Variants in TEX9 observed in about 807,000 individuals in gnomAD.
The protein encoded by TEX9 is testis-expressed protein 9.
A neutral mutation model predicts 59.6 loss-of-function variants in TEX9; 74 were observed. That is an observed-to-expected ratio of 1.24 (90% CI 1.03 to 1.51). The LOEUF (loss-of-function observed/expected upper bound fraction) is 1.51, where lower values mean the gene tolerates loss of function less well. Ranked by LOEUF, TEX9 falls within the 40% of genes most tolerant of loss-of-function variation. TEX9 has a pLI of 0.00. For missense variants in TEX9, 522 were observed against 447.8 expected (o/e 1.17, Z -1.49); for synonymous variants, 186 against 152.2 (o/e 1.22, Z -1.64).
At chr15:56,372,299 A>G (rs2047224635) in intron 2 of TEX9, among the ~76,000 whole-genome samples, 1 of 152,154 alleles carries the variant, frequency 6.6e-6, no homozygotes, top group African/African-American at 2.4e-5. Flanking sequence ...CTGTTAAAGG[A>G]TATGGTACTA....
At chr15:56,458,736 T>G in the TEX9 span, among the ~76,000 whole-genome samples, 1 of 152,206 alleles carries the variant, frequency 6.6e-6, no homozygotes, top group Non-Finnish European at 1.5e-5. Flanking sequence ...CTTCTTTCAC[T>G]TAGTAATATG....
chr15:56,312,508 C>T (rs2141634837), intron 1 of TEX9, among the ~76,000 whole-genome samples: 1 of 149,382 alleles, frequency 6.7e-6, no homozygotes, highest in South Asian at 2.1e-4. Flanking sequence ...ATCTATATCT[C>T]TGTTTTGGTA....
chr15:56,365,161 G>C (rs1225263056), upstream of TEX9, among the ~76,000 whole-genome samples: 2 of 152,236 alleles, frequency 1.3e-5, no homozygotes, highest in Non-Finnish European at 2.9e-5. Flanking sequence ...GCTTTCTATA[G>C]AGTAGCGGCA....
chr15:56,370,212 T>C (rs1369246291), intron 2 of TEX9, among the ~76,000 whole-genome samples: 2 of 152,180 alleles, frequency 1.3e-5, no homozygotes, highest in Non-Finnish European at 2.9e-5. Flanking sequence ...TCTTTATTTT[T>C]AGTGATGTGG....
At chr15:56,441,468 C>T (rs2140351536) in intron 12 of TEX9, among the ~76,000 whole-genome samples, 1 of 152,074 alleles carries the variant, frequency 6.6e-6, no homozygotes. Flanking sequence ...GAGAACTGTG[C>T]ATTGAAATAC....
At chr15:56,386,520 T>C (rs1385945099) in intron 4 of TEX9, among the ~76,000 whole-genome samples, 4 of 152,010 alleles carry the variant, frequency 2.6e-5, no homozygotes, top group Non-Finnish European at 5.9e-5. Context: ...AGACCTGATC[T>C]TGCTTCCAAG....
At chr15:56,263,154 G>A (rs1387176241) in intron 1 of TEX9, among the ~76,000 whole-genome samples, 1 of 152,118 alleles carries the variant, frequency 6.6e-6, no homozygotes, top group Non-Finnish European at 1.5e-5. Flanking sequence ...CTCCCGAGTA[G>A]CTGGGATTAC....
At chr15:56,322,972 TCA>T (rs1210920785) in intron 1 of TEX9, among the ~76,000 whole-genome samples, 2 of 151,934 alleles carry the variant, frequency 1.3e-5, no homozygotes, top group African/African-American at 4.8e-5. Flanking sequence ...GAAAAGAATA[TCA>T]CAGAGTACTT....
intron 12 of TEX9, among the ~76,000 whole-genome samples, chr15:56,436,687 C>A (rs533505004): frequency 6.6e-6 from 1 of 151,840 alleles, no homozygotes; most frequent in Non-Finnish European, 1.5e-5. Context: ...CTGAGAAGAT[C>A]AACAAAATTG....
At chr15:56,366,770 GTATGATCTACA>G (rs1349911578) in intron 2 of TEX9, among the ~76,000 whole-genome samples, 2 of 152,098 alleles carry the variant, frequency 1.3e-5, no homozygotes, top group South Asian at 2.1e-4. Flanking sequence ...TAGAGTTATC[GTATGATCTACA>G]TATGATCTAT....
intron 12 of TEX9, among the ~76,000 whole-genome samples, chr15:56,437,705 A>C (rs1695685893): frequency 6.6e-6 from 1 of 152,214 alleles, no homozygotes; most frequent in Non-Finnish European, 1.5e-5. Context: ...ATGATTGTAT[A>C]TTTAGAAAAC....
chr15:56,270,205 A>C (rs1037491193), intron 1 of TEX9, among the ~76,000 whole-genome samples: 1 of 152,068 alleles, frequency 6.6e-6, no homozygotes, highest in Non-Finnish European at 1.5e-5. Flanking sequence ...TATCCTTGTT[A>C]ACCTTCTGTC....
chr15:56,295,978 C>T (rs2045208390), intron 1 of TEX9, among the ~76,000 whole-genome samples: 2 of 152,156 alleles, frequency 1.3e-5, no homozygotes, highest in Admixed American at 1.3e-4. Context: ...ATATTTTCTA[C>T]TCTCTACCTC....
chr15:56,430,421 G>C (rs1208691316), intron 12 of TEX9, among the ~76,000 whole-genome samples: 2 of 152,086 alleles, frequency 1.3e-5, no homozygotes, highest in Non-Finnish European at 2.9e-5. Flanking sequence ...TCCCAGGCTG[G>C]TCTTGAACTC....
chr15:56,307,707 A>T (rs1596077798), intron 1 of TEX9, among the ~76,000 whole-genome samples: 1 of 152,170 alleles, frequency 6.6e-6, no homozygotes, highest in East Asian at 1.9e-4. Flanking sequence ...CCCAAAAGAA[A>T]CCTCATACTC....
intron 1 of TEX9, among the ~76,000 whole-genome samples, chr15:56,294,573 A>C (rs2045174270): frequency 6.6e-6 from 1 of 152,210 alleles, no homozygotes; most frequent in Non-Finnish European, 1.5e-5. Flanking sequence ...TAACAGAAAT[A>C]ATATGGCATC....
intron 2 of TEX9, among the ~76,000 whole-genome samples, chr15:56,373,016 C>A (rs906888308): frequency 8.5e-5 from 13 of 152,134 alleles, no homozygotes; most frequent in African/African-American, 2.7e-4. Flanking sequence ...TACCCCAAAC[C>A]AGAGCAGGTC....
chr15:56,344,870 G>C (rs2046439146), intron 1 of TEX9, among the ~76,000 whole-genome samples: 1 of 151,754 alleles, frequency 6.6e-6, no homozygotes, highest in Non-Finnish European at 1.5e-5. Flanking sequence ...AGTTAGATCT[G>C]TCTTTGTTAG....
intron 1 of TEX9, among the ~76,000 whole-genome samples, chr15:56,253,503 A>T (rs1460121208): frequency 2.6e-5 from 4 of 152,168 alleles, no homozygotes; most frequent in Non-Finnish European, 4.4e-5. Context: ...TGAGGTCCCT[A>T]AAGAAAGCCA....
Sources: gnomAD v4.1 joint callset for allele counts (sites outside exome capture counted in the v4.1 genomes callset) on GRCh38, gnomAD v4.1.1 for gene constraint, MANE v1.5 for transcripts, NCBI Gene and HGNC (gene_info 2026-07-23, HGNC 2026-07-21) for gene names.